The following FSTL5 variants were observed in gnomAD, a reference collection of about 807,000 sequenced individuals.
FSTL5 encodes the protein follistatin-related protein 5.
In FSTL5, 62 loss-of-function variants were observed where a neutral mutation model predicts 89.1. The observed-to-expected ratio is 0.70, with a 90% CI of 0.57 to 0.86. The LOEUF is 0.86. FSTL5 is among the 40% of genes least tolerant of loss of function. The pLI is 0.00. For missense variants in FSTL5, 1,057 were observed against 1,001.6 expected, an observed-to-expected ratio of 1.06 and a Z score of -0.75; for synonymous variants, 383 against 346.2, an observed-to-expected ratio of 1.11 and a Z score of -1.18.
intron 15 of FSTL5, among the ~76,000 whole-genome samples, chr4:161,454,329 T>C (rs564801767): frequency 6.6e-6 from 1 of 152,274 alleles, no homozygotes; most frequent in South Asian, 2.1e-4. Context: ...TAATACTAAA[T>C]ATCATGATAT....
intron 3 of FSTL5, among the ~76,000 whole-genome samples, chr4:162,033,011 G>A (rs1223103431): frequency 1.3e-5 from 2 of 152,068 alleles, no homozygotes; most frequent in Non-Finnish European, 2.9e-5. Flanking sequence ...GTTGTGATAT[G>A]CCATCATTAT....
At position 162,026,304 on chromosome 4, in the gene FSTL5, C is replaced by CTTTTTTT. The variant is rs397996028; in HGVS notation, c.160+7314_160+7320dup. Among the ~76,000 whole-genome samples, 6 of 79,474 alleles carry CTTTTTTT rather than the reference C, an allele frequency of 7.5e-5. 1 individual carries two copies. Among genetic ancestry groups the CTTTTTTT allele is most frequent in the African/African-American group, 2.4e-4 (5 of 20,410 alleles). 52.1% of individuals were successfully genotyped at this position (79,474 alleles called of 152,430 possible). The stretch of plus-strand genomic sequence containing the variant: ...TTTCAGGAGACAGCTTATGTATTTT[C>CTTTTTTT]TTTTTTTTTTTTTTTCTTTTTGAGA... On this transcript the variant is annotated intron_variant, in intron 3 of 15. Transcript: ENST00000306100.
intron 4 of FSTL5, among the ~76,000 whole-genome samples, chr4:161,804,612 C>T (rs1032008463): frequency 6.6e-6 from 1 of 151,402 alleles, no homozygotes; most frequent in Non-Finnish European, 1.5e-5. Context: ...ATTTATATTA[C>T]CTTTTAAATT....
intron 4 of FSTL5, among the ~76,000 whole-genome samples, chr4:161,835,532 G>A (rs1160765667): frequency 6.6e-6 from 1 of 151,802 alleles, no homozygotes; most frequent in Non-Finnish European, 1.5e-5. Flanking sequence ...CAACATGGGA[G>A]AAAATTTTCA....
chr4:161,455,021 G>C lies in FSTL5; in HGVS notation c.1824C>G (p.Leu608=). The C allele has an allele frequency of 6.2e-7, 1 of 1,613,554 alleles. No individual in the cohort carries two copies. Among genetic ancestry groups the C allele is most frequent in the Non-Finnish European group, 8.5e-7 (1 of 1,179,696 alleles). The change falls in exon 15 of 16, where the codon CTC becomes CTG. Residue 608 remains leucine (L), a synonymous_variant. Coordinates refer to ENST00000306100, the MANE Select transcript of FSTL5 (RefSeq NM_020116.5). ...VDDFFIPTTT[L]IITHMRFGFI... is the part of the protein sequence containing the mutation. ...GCACTTACCTCATATGGGTGATAAT[G>C]AGTGTTGTGGTGGGAATGAAAAAAT...
intron 4 of FSTL5, among the ~76,000 whole-genome samples, chr4:161,875,464 C>A (rs1327225678): frequency 6.6e-6 from 1 of 152,098 alleles, no homozygotes; most frequent in African/African-American, 2.4e-5. Flanking sequence ...CTTTCTGCAA[C>A]CAATCAGACT....
intron 15 of FSTL5, among the ~76,000 whole-genome samples, chr4:161,393,538 T>C (rs1730892453): frequency 6.6e-6 from 1 of 152,106 alleles, no homozygotes; most frequent in Non-Finnish European, 1.5e-5. Context: ...CTTCAGCTAG[T>C]AAATTACATT....
In FSTL5 at chr4:161,771,533, T is replaced by C. The variant is rs1741210398; in HGVS notation, c.606+4345A>G. On this transcript the variant is annotated intron_variant, in intron 5 of 15. Transcript: ENST00000306100. ...GTTCTTAACCACTATGTTATGAGCA[T>C]CAAAAAGATAACTTATAAAAAATAT... 2.0e-5 allele frequency among the ~76,000 whole-genome samples: 3 copies of C among 152,222 alleles called. No individual in the cohort carries two copies. In the South Asian group the frequency reaches 6.2e-4, roughly 32 times the overall value.
intron 12 of FSTL5, among the ~76,000 whole-genome samples, chr4:161,499,295 T>A (rs2126482695): frequency 6.6e-6 from 1 of 152,322 alleles, no homozygotes; most frequent in African/African-American, 2.4e-5. Flanking sequence ...GTAAGAATTT[T>A]ACTTAATAAT....
intron 12 of FSTL5, among the ~76,000 whole-genome samples, chr4:161,493,762 T>C (rs750519935): frequency 8.5e-5 from 13 of 152,104 alleles, no homozygotes; most frequent in Non-Finnish European, 1.5e-4. Context: ...GAGCCCTTAT[T>C]AGTCATATAA....
At chr4:161,614,664 T>C (rs1734776062) in intron 7 of FSTL5, among the ~76,000 whole-genome samples, 1 of 152,194 alleles carries the variant, frequency 6.6e-6, no homozygotes, top group South Asian at 2.1e-4. Context: ...AAGTAATCAC[T>C]ATAATTTACA....
chr4:161,776,002 A>G lies in FSTL5; in HGVS notation c.482T>C (p.Ile161Thr), dbSNP rs776606557. 6.3e-7 allele frequency: 1 copy of G among 1,597,932 alleles called. No individual in the cohort carries two copies. Among genetic ancestry groups the G allele is most frequent in the Non-Finnish European group, 8.6e-7 (1 of 1,168,146 alleles). Residue 161 changes from isoleucine to threonine, a missense_variant, in exon 5 of 16, where the codon ATT becomes ACT. By Grantham distance (89) the Ile-to-Thr change is moderately conservative. Around this residue, in one of 3 missense-constraint regions of FSTL5, gnomAD observed 980 missense variants for 903.2 expected, o/e 1.08. Transcript: ENST00000306100. Reference protein sequence around the residue: ...MLLDLQNQKYIMQENENPNGD... With the variant: ...MLLDLQNQKYTMQENENPNGD... The stretch of plus-strand genomic sequence containing the variant: ...ATTAGGATTTTCATTTTCTTGCATA[A>G]TATATTTTTGATTTTGTAAATCTAA...
intron 1 of FSTL5, among the ~76,000 whole-genome samples, chr4:162,140,803 C>T (rs945898683): frequency 5.9e-5 from 9 of 151,984 alleles, no homozygotes; most frequent in Non-Finnish European, 1.3e-4. Flanking sequence ...CTGATGTTAA[C>T]CTTAAAGAAT....
chr4:162,104,065 C>G (rs545991046), intron 2 of FSTL5, among the ~76,000 whole-genome samples: 3 of 152,202 alleles, frequency 2.0e-5, no homozygotes, highest in African/African-American at 7.2e-5. Flanking sequence ...AGCTTTCGCT[C>G]GCCGTCCACC....
At chr4:161,697,408 A>G (rs976450791) in intron 6 of FSTL5, among the ~76,000 whole-genome samples, 1 of 152,172 alleles carries the variant, frequency 6.6e-6, no homozygotes, top group African/African-American at 2.4e-5. Flanking sequence ...ATCTTCTGTG[A>G]CATTTTAGTG....
Position 162,004,128 on chromosome 4 carries a change from G to A in FSTL5, c.160+29497C>T, listed in dbSNP as rs965404936. On this transcript the variant is annotated intron_variant, in intron 3 of 15. Transcript: ENST00000306100. ...TATTTCTATTATTTTCTAAACTCTA[G>A]ATCCAGGTATTAAATTTCCCTATTC... Among the ~76,000 whole-genome samples, 3 of 151,982 alleles carry A rather than the reference G, an allele frequency of 2.0e-5. No individual in the cohort carries two copies. In the South Asian group the frequency reaches 6.2e-4, roughly 32 times the overall value.
chr4:161,971,650 T>C (rs1320777594), intron 3 of FSTL5, among the ~76,000 whole-genome samples: 1 of 152,124 alleles, frequency 6.6e-6, no homozygotes, highest in Non-Finnish European at 1.5e-5. Context: ...TTAAAAACTA[T>C]AAATTTCCTG....
At chr4:161,658,572 CACAT>C (rs553959252) in intron 6 of FSTL5, among the ~76,000 whole-genome samples, 126 of 150,344 alleles carry the variant, frequency 8.4e-4, no homozygotes, top group African/African-American at 2.9e-3. Flanking sequence ...TATAAAACCA[CACAT>C]ACATACACAG....
chr4:161,651,270 A>T (rs931816215), intron 7 of FSTL5, among the ~76,000 whole-genome samples: 3 of 151,842 alleles, frequency 2.0e-5, no homozygotes, highest in African/African-American at 7.3e-5. Context: ...TAGAACAGGG[A>T]TTAATAAAAG....
Sources: allele counts gnomAD v4.1 joint callset (sites outside exome capture counted in the v4.1 genomes callset), GRCh38; gene constraint gnomAD v4.1.1; regional missense constraint gnomAD v4.1.1; transcripts MANE v1.5; gene names NCBI Gene and HGNC (gene_info 2026-07-23, HGNC 2026-07-21).